TOPORS: variants seen among roughly 807,000 people sequenced by gnomAD.
TOPORS encodes the protein E3 ubiquitin-protein ligase Topors.
Under a neutral mutation model 81.4 loss-of-function variants are expected in TOPORS, and 25 were observed. The ratio of observed to expected loss-of-function variants is 0.31; its 90% CI spans 0.22 to 0.43. The LOEUF is 0.43. Ranked by LOEUF, TOPORS falls within the 20% of genes least tolerant of loss-of-function variation. The pLI is 1.00. For missense variants in TOPORS, 1,101 were observed against 1,267.0 expected, an observed-to-expected ratio of 0.87 and a Z score of 1.99; for synonymous variants, 473 against 456.6, an observed-to-expected ratio of 1.04 and a Z score of -0.46.
intron 1 of TOPORS, 74 bp from the exon 2 acceptor site, chr9:32,551,042 C>A (rs982769989): frequency 3.9e-6 from 6 of 1,538,960 alleles, no homozygotes; most frequent in Middle Eastern, 4.5e-4. Flanking sequence ...CCCCAGCTCC[C>A]GCGCATCAAA....
At chr9:32,551,626 G>T in intron 1 of TOPORS, 2 of 266,720 alleles carry the variant, frequency 7.5e-6, no homozygotes, top group East Asian at 1.6e-4. Flanking sequence ...AGCCTAAGCG[G>T]CCCGTTGCCA....
In TOPORS at chr9:32,541,926, C is replaced by T; in HGVS notation, c.2599G>A (p.Val867Ile). ...RRKRKTRSLS[V>I]EIVYEGKATD... Reference sequence around the variant, plus strand: ...GCTTTTCCTTCATAAACTATCTCTACACTTAGGCTCCGGGTCTTCCTTTTT... The same window carrying T: ...GCTTTTCCTTCATAAACTATCTCTATACTTAGGCTCCGGGTCTTCCTTTTT... Residue 867 changes from valine (V) to isoleucine (I), a missense_variant, in exon 3 of 3, where the codon GTA (valine) becomes ATA (isoleucine). Physicochemically the swap from Val to Ile is conservative, Grantham distance 29. Around this residue, in one of 9 missense-constraint regions of TOPORS, gnomAD observed 605 missense variants for 636.1 expected, o/e 0.95. Transcript: ENST00000360538. 1.2e-6 allele frequency: 2 copies of T among 1,613,870 alleles called. No homozygotes were observed. Among genetic ancestry groups the T allele is most frequent in the Non-Finnish European group, 1.7e-6 (2 of 1,180,004 alleles).
chr9:32,541,599 T>C lies in TOPORS; in HGVS notation c.2926A>G (p.Asn976Asp). Residue 976 changes from asparagine to aspartate, a missense_variant, in exon 3 of 3, where the codon AAT (asparagine) becomes GAT (aspartate). By Grantham distance (23) the Asn-to-Asp change is conservative. Transcript: ENST00000360538. ...CDIATLSNNL[N>D]NANKTVDNIP... is the part of the protein sequence containing the mutation. ...TTATCTACAGTTTTGTTGGCATTAT[T>C]CAAGTTGTTACTAAGTGTGGCAATA... 1.2e-6 allele frequency: 2 copies of C among 1,614,212 alleles called. No homozygotes were observed. Among genetic ancestry groups the C allele is most frequent in the Non-Finnish European group, 1.7e-6 (2 of 1,180,034 alleles).
In TOPORS at chr9:32,541,582, A is replaced by G. The variant is rs1484120296; in HGVS notation, c.2943T>C (p.Thr981=). ...LSNNLNNANK[T]VDNIPPLAAS... is the part of the protein sequence containing the mutation. ...CTGCCAGAGGTGGAATATTATCTAC[A>G]GTTTTGTTGGCATTATTCAAGTTGT... The change falls in exon 3 of 3, where the codon ACT becomes ACC. Residue 981 remains threonine (T), a synonymous_variant. Transcript: ENST00000360538. 8 of 1,614,206 alleles carry G rather than the reference A, an allele frequency of 5.0e-6. No individual in the cohort carries two copies. The highest frequency in any genetic ancestry group is 5.9e-6 in the Non-Finnish European group (7 of 1,180,038).
At chr9:32,551,376 C>T (rs1257020933) in intron 1 of TOPORS, 2 of 338,554 alleles carry the variant, frequency 5.9e-6, no homozygotes, top group South Asian at 2.4e-5. Flanking sequence ...TCCTGTTGTA[C>T]GCCTCCCGGA....
At chr9:32,551,280 A>G in intron 1 of TOPORS, 1 of 532,380 alleles carries the variant, frequency 1.9e-6, no homozygotes, top group South Asian at 2.0e-5. Flanking sequence ...ATGTCGTTTC[A>G]ACCTTACCAA....
chr9:32,550,228 C>T (rs1821209722), intron 2 of TOPORS, among the ~76,000 whole-genome samples: 1 of 152,176 alleles, frequency 6.6e-6, no homozygotes, highest in South Asian at 2.1e-4. Flanking sequence ...AGGAAAGCTG[C>T]AGTAAATGGA....
intron 2 of TOPORS, among the ~76,000 whole-genome samples, chr9:32,550,452 G>A (rs1821215006): frequency 6.6e-6 from 1 of 152,210 alleles, no homozygotes; most frequent in African/African-American, 2.4e-5. Context: ...ACCTAGGCAA[G>A]GTCACATATC....
chr9:32,551,619 C>A, intron 1 of TOPORS: 1 of 268,186 alleles, frequency 3.7e-6, no homozygotes, highest in Non-Finnish European at 8.0e-6. Context: ...CGTCTAGAGC[C>A]TAAGCGGCCC....
chr9:32,551,910 A>G (rs970527402), intron 1 of TOPORS: 132 of 355,674 alleles, frequency 3.7e-4, no homozygotes, highest in Middle Eastern at 3.8e-4. Flanking sequence ...TGTCACATAT[A>G]AAAGAGTGGG....
In TOPORS at chr9:32,543,847, T is replaced by C; in HGVS notation, c.678A>G (p.Glu226=). The change falls in exon 3 of 3, where the codon GAA becomes GAG. Residue 226 remains glutamate, a synonymous_variant. Coordinates refer to ENST00000360538, the MANE Select transcript of TOPORS (RefSeq NM_005802.5). The surrounding 1 kb of genome is among the most constrained non-coding windows in gnomAD (Gnocchi z 5.6). ...CAATCTGTCTCATAAACTGAGGAAT[T>C]TCAACATCTCTAGGTCTTGTTGAAA... is the stretch of plus-strand genomic sequence containing the variant. ...LGISTRPRDV[E]IPQFMRQIAV... The C allele has an allele frequency of 6.2e-7, 1 of 1,614,194 alleles. No homozygotes were observed. Among genetic ancestry groups the C allele is most frequent in the Non-Finnish European group, 8.5e-7 (1 of 1,180,040 alleles).
rs749327991 is a variant in TOPORS, at chr9:32,541,709, A to T, written c.2816T>A (p.Phe939Tyr). The change falls in exon 3 of 3, where the codon TTT becomes TAT. Residue 939 changes from phenylalanine to tyrosine, a missense_variant. By Grantham distance (22) the Phe-to-Tyr change is conservative. Transcript: ENST00000360538. Reference protein sequence around the residue: ...SGPQDPLQNEFLAPSLEPFET... With the variant: ...SGPQDPLQNEYLAPSLEPFET... ...AAATGGTTCCAAGGAAGGAGCCAAAAACTCATTTTGTAGAGGGTCTTGAGG... is the reference window on the plus strand; with the variant it reads ...AAATGGTTCCAAGGAAGGAGCCAAATACTCATTTTGTAGAGGGTCTTGAGG... 1.2e-5 allele frequency: 19 copies of T among 1,614,068 alleles called. No individual in the cohort carries two copies. The South Asian group carries it at 2.1e-4, about 18-fold the overall frequency.
chr9:32,552,319 G>C, intron 1 of TOPORS, 115 bp downstream of exon 1: 1 of 1,447,600 alleles, frequency 6.9e-7, no homozygotes, highest in South Asian at 1.2e-5. Flanking sequence ...GCGAGTGGGC[G>C]GGCGCTCGTG....
At chr9:32,551,467 A>C in intron 1 of TOPORS, 1 of 270,678 alleles carries the variant, frequency 3.7e-6, no homozygotes, top group Non-Finnish European at 7.5e-6. Flanking sequence ...GATCCCCTCC[A>C]GGCTGGGGAG....
At position 32,550,806 on chromosome 9, in the gene TOPORS, C is replaced by T; in HGVS notation, c.166G>A (p.Ala56Thr). The T allele has an allele frequency of 1.2e-6, 2 of 1,612,554 alleles. No homozygotes were observed. The highest frequency in any genetic ancestry group is 1.7e-6 in the Non-Finnish European group (2 of 1,179,678). Residue 56 changes from alanine to threonine, a missense_variant, in exon 2 of 3, where the codon GCC (alanine) becomes ACC (threonine). Ala to Thr is a moderately conservative substitution (Grantham distance 58, BLOSUM62 0). This residue lies in a region of TOPORS where 131 missense variants were observed against 101.0 expected (regional missense o/e 1.30). Coordinates refer to ENST00000360538, the MANE Select transcript of TOPORS (RefSeq NM_005802.5). Reference protein sequence around the residue: ...FLGCRELAASAPARPAPASSE... With the variant: ...FLGCRELAASTPARPAPASSE... The stretch of plus-strand genomic sequence containing the variant: ...GATGCCGGCGCAGGCCTGGCTGGGG[C>T]GCTCGCCGCGAGCTCCCGGCAGCCC...
chr9:32,543,989 C>T lies in TOPORS; in HGVS notation c.536G>A (p.Arg179His), dbSNP rs755472878. Residue 179 changes from arginine (R) to histidine (H), a missense_variant, in exon 3 of 3, where the codon CGC becomes CAC. By Grantham distance (29) the Arg-to-His change is conservative. Coordinates refer to ENST00000360538, the MANE Select transcript of TOPORS (RefSeq NM_005802.5). This position sits in a 1 kb window ranked among gnomAD's most constrained non-coding sequence, Gnocchi z 5.6. ...GSFVTPDRRF[R>H]YRTTLTRERN... is the part of the protein sequence containing the mutation. ...TTCCCTTGTCAGAGTTGTACGGTAG[C>T]GAAATCGTCGATCAGGGGTGACAAA... The T allele has an allele frequency of 2.0e-5, 33 of 1,614,072 alleles. 1 individual carries two copies. The highest frequency in any genetic ancestry group is 9.9e-5 in the South Asian group (9 of 91,074).
At chr9:32,546,921 C>T (rs1365491506) in intron 2 of TOPORS, among the ~76,000 whole-genome samples, 1 of 152,088 alleles carries the variant, frequency 6.6e-6, no homozygotes, top group African/African-American at 2.4e-5. Context: ...ACCTGTAGTC[C>T]CAGCTACTCA....
intron 2 of TOPORS, among the ~76,000 whole-genome samples, chr9:32,544,950 T>A (rs1170011602): frequency 6.6e-6 from 1 of 152,258 alleles, no homozygotes; most frequent in Admixed American, 6.5e-5. Context: ...ATATTTTGTA[T>A]GTACTTTTCT....
intron 2 of TOPORS, among the ~76,000 whole-genome samples, chr9:32,547,326 C>T (rs1241956850): frequency 6.6e-6 from 1 of 152,188 alleles, no homozygotes; most frequent in Non-Finnish European, 1.5e-5. Flanking sequence ...TGAAGTCGAA[C>T]ATATGACCCG....
Sources: allele counts gnomAD v4.1 joint callset (sites outside exome capture counted in the v4.1 genomes callset), GRCh38; gene constraint gnomAD v4.1.1; regional missense constraint gnomAD v4.1.1; non-coding constraint Gnocchi (gnomAD v3.1); transcripts MANE v1.5; gene names NCBI Gene and HGNC (gene_info 2026-07-23, HGNC 2026-07-21).